The following EMCN variants were observed in gnomAD, a reference collection of about 807,000 sequenced individuals.
EMCN encodes the protein endomucin.
In EMCN, 37 loss-of-function variants were observed where a neutral mutation model predicts 38.4. The ratio of observed to expected loss-of-function variants is 0.96; its 90% CI spans 0.74 to 1.27. EMCN has a LOEUF of 1.27. Ranked by LOEUF, EMCN falls within the 50% of genes most tolerant of loss-of-function variation. The pLI is 0.00. For missense variants in EMCN, 318 were observed against 302.8 expected (o/e 1.05, Z -0.37); for synonymous variants, 95 against 100.8 (o/e 0.94, Z 0.35).
intron 5 of EMCN, among the ~76,000 whole-genome samples, chr4:100,438,222 TG>T (rs958303086): frequency 3.0e-4 from 45 of 152,222 alleles, no homozygotes; most frequent in African/African-American, 1.0e-3. Context: ...GGACTTGTGA[TG>T]GTTTGACTCA....
intron 2 of EMCN, among the ~76,000 whole-genome samples, chr4:100,476,594 T>G (rs1728658170): frequency 6.6e-6 from 1 of 152,206 alleles, no homozygotes; most frequent in Non-Finnish European, 1.5e-5. Context: ...ATTAAATCAT[T>G]AAGATATCAT....
intron 1 of EMCN, among the ~76,000 whole-genome samples, chr4:100,513,739 C>A (rs1294910692): frequency 2.0e-5 from 3 of 152,038 alleles, no homozygotes; most frequent in Non-Finnish European, 4.4e-5. Context: ...ATAACTTTTT[C>A]ATAAGGACAA....
At chr4:100,474,886 A>T (rs1292223026) in intron 3 of EMCN, 152 bp downstream of exon 3, 1 of 388,280 alleles carries the variant, frequency 2.6e-6, no homozygotes, top group African/African-American at 2.1e-5. Context: ...CCTCTTGGGG[A>T]GATTAAAATG....
chr4:100,506,544 A>G (rs1414144409), intron 1 of EMCN, among the ~76,000 whole-genome samples: 11 of 152,286 alleles, frequency 7.2e-5, no homozygotes, highest in Non-Finnish European at 1.3e-4. Flanking sequence ...ACTGAATAAT[A>G]TCATGAGGGG....
At chr4:100,444,238 GT>G (rs1478190294) in intron 5 of EMCN, among the ~76,000 whole-genome samples, 1 of 152,196 alleles carries the variant, frequency 6.6e-6, no homozygotes, top group African/African-American at 2.4e-5. Context: ...TTTGGGATGT[GT>G]TGTGCCACAT....
At position 100,448,795 on chromosome 4, in the gene EMCN, T is replaced by TTTTCTTTCCTTCCTTCCTTCCTTCCTTC. The variant is rs58028381; in HGVS notation, c.377-1225_377-1224insGAAGGAAGGAAGGAAGGAAGGAAAGAAA. On this transcript the variant is annotated intron_variant, in intron 4 of 11. Transcript: ENST00000296420. ...GCACAAGGCCCTTTCTGCCTTGAAG[T>TTTTCTTTCCTTCCTTCCTTCCTTCCTTC]CTTCCTTCCTTCCTTCCTTCCTTCC... 8.8e-4 allele frequency among the ~76,000 whole-genome samples: 101 copies of TTTTCTTTCCTTCCTTCCTTCCTTCCTTC among 114,392 alleles called. 4 individuals are homozygous for TTTTCTTTCCTTCCTTCCTTCCTTCCTTC. Among genetic ancestry groups the TTTTCTTTCCTTCCTTCCTTCCTTCCTTC allele is most frequent in the African/African-American group, 3.1e-3 (94 of 30,512 alleles). 75.0% of individuals were successfully genotyped at this position (114,392 alleles called of 152,430 possible). A position where few individuals can be genotyped will look rare whatever the true frequency, so the allele number is the denominator to read the frequency against.
chr4:100,459,740 T>C (rs914608542), intron 4 of EMCN, among the ~76,000 whole-genome samples: 5 of 152,212 alleles, frequency 3.3e-5, no homozygotes, highest in African/African-American at 1.2e-4. Flanking sequence ...ATCCGCGCTT[T>C]CGCAAATGAC....
intron 5 of EMCN, among the ~76,000 whole-genome samples, chr4:100,437,585 C>T (rs890829302): frequency 5.9e-5 from 9 of 152,100 alleles, no homozygotes; most frequent in African/African-American, 2.2e-4. Flanking sequence ...TTTTGTGCAT[C>T]GTTTAAGATA....
chr4:100,414,523 G>A (rs1271690966), intron 10 of EMCN, among the ~76,000 whole-genome samples: 1 of 151,948 alleles, frequency 6.6e-6, no homozygotes, highest in East Asian at 1.9e-4. Context: ...CTGAGAGAAA[G>A]TATAGTATGG....
intron 8 of EMCN, among the ~76,000 whole-genome samples, chr4:100,420,438 T>C (rs1434920011): frequency 6.6e-6 from 1 of 151,978 alleles, no homozygotes; most frequent in Admixed American, 6.6e-5. Flanking sequence ...CCAGAAGGAA[T>C]AGTATGGATG....
intron 1 of EMCN, among the ~76,000 whole-genome samples, chr4:100,499,518 G>C (rs940206860): frequency 1.3e-5 from 2 of 152,130 alleles, no homozygotes; most frequent in Non-Finnish European, 2.9e-5. Context: ...TGGGATTTGA[G>C]GAAAATCAAA....
At chr4:100,500,788 A>C (rs932990486) in intron 1 of EMCN, among the ~76,000 whole-genome samples, 1 of 152,120 alleles carries the variant, frequency 6.6e-6, no homozygotes, top group Non-Finnish European at 1.5e-5. Flanking sequence ...TTTGCAATTG[A>C]TAGACATTTG....
intron 1 of EMCN, among the ~76,000 whole-genome samples, chr4:100,494,290 ACT>A (rs955556520): frequency 4.6e-5 from 7 of 152,180 alleles, no homozygotes; most frequent in Admixed American, 6.5e-5. Context: ...TTTAGAAATA[ACT>A]CTGCATGTTG....
intron 10 of EMCN, among the ~76,000 whole-genome samples, chr4:100,412,077 T>C (rs1451266805): frequency 6.6e-6 from 1 of 152,174 alleles, no homozygotes; most frequent in Non-Finnish European, 1.5e-5. Flanking sequence ...ATTAATTATA[T>C]GTAATTACCA....
At chr4:100,478,255 T>C (rs1728712808) in intron 2 of EMCN, among the ~76,000 whole-genome samples, 2 of 152,148 alleles carry the variant, frequency 1.3e-5, no homozygotes, top group African/African-American at 2.4e-5. Flanking sequence ...TTTATCTCTC[T>C]TCCACCTCGC....
intron 5 of EMCN, among the ~76,000 whole-genome samples, chr4:100,439,475 G>T (rs183534478): frequency 2.9e-4 from 44 of 151,262 alleles, no homozygotes; most frequent in Admixed American, 2.4e-3. Context: ...AATTTCTGAG[G>T]TGTTTCATTT....
At chr4:100,444,185 G>C (rs1727600277) in intron 5 of EMCN, among the ~76,000 whole-genome samples, 1 of 152,196 alleles carries the variant, frequency 6.6e-6, no homozygotes, top group Non-Finnish European at 1.5e-5. Flanking sequence ...TGGCTGTTCA[G>C]CCTGGAGGGC....
At chr4:100,404,759 G>A (rs903594599) in intron 11 of EMCN, among the ~76,000 whole-genome samples, 7 of 152,066 alleles carry the variant, frequency 4.6e-5, no homozygotes, top group African/African-American at 1.7e-4. Context: ...AATGTCACTG[G>A]TAGTTTGATA....
intron 5 of EMCN, among the ~76,000 whole-genome samples, chr4:100,447,190 A>G (rs1384284649): frequency 7.2e-5 from 11 of 152,178 alleles, no homozygotes; most frequent in Non-Finnish European, 1.0e-4. Context: ...TTAGAAAGTA[A>G]GAGAAGACAT....
Sources: gnomAD v4.1 joint callset for allele counts (sites outside exome capture counted in the v4.1 genomes callset) on GRCh38, gnomAD v4.1.1 for gene constraint, MANE v1.5 for transcripts, NCBI Gene and HGNC (gene_info 2026-07-23, HGNC 2026-07-21) for gene names.